FAM120B: variants seen among roughly 807,000 people sequenced by gnomAD.
FAM120B encodes constitutive coactivator of peroxisome proliferator-activated receptor gamma.
FAM120B carries 83 observed loss-of-function variants against 96.3 expected under a neutral mutation model. The ratio of observed to expected loss-of-function variants is 0.86; its 90% CI spans 0.72 to 1.03. The LOEUF (loss-of-function observed/expected upper bound fraction) is 1.03. FAM120B is among the 50% of genes least tolerant of loss of function. The pLI is 0.00. For synonymous variants in FAM120B, 407 were observed against 402.7 expected, an observed-to-expected ratio of 1.01 and a Z score of -0.13; for missense variants, 1,027 against 1,121.2, an observed-to-expected ratio of 0.92 and a Z score of 1.20.
At chr6:170,353,535 C>CA (rs1022195233) in intron 5 of FAM120B, among the ~76,000 whole-genome samples, 3 of 152,068 alleles carry the variant, frequency 2.0e-5, no homozygotes, top group African/African-American at 7.2e-5. Context: ...AGCAGCAGAT[C>CA]AAAAAGCTTA....
At chr6:170,354,460 A>C (rs966477612) in intron 5 of FAM120B, among the ~76,000 whole-genome samples, 1 of 152,210 alleles carries the variant, frequency 6.6e-6, no homozygotes, top group Non-Finnish European at 1.5e-5. Context: ...AAAATAAACT[A>C]TCATCAGAGT....
Position 170,363,050 on chromosome 6 carries a change from T to G in FAM120B, c.2283+4732T>G, listed in dbSNP as rs993738148. Among the ~76,000 whole-genome samples, 2 of 152,162 alleles carry G rather than the reference T, an allele frequency of 1.3e-5. No homozygotes were observed. The highest frequency in any genetic ancestry group is 2.4e-5 in the African/African-American group (1 of 41,432). On this transcript the variant is annotated intron_variant, in intron 6 of 10. Coordinates refer to ENST00000476287, the MANE Select transcript of FAM120B (RefSeq NM_032448.3). The surrounding 1 kb of genome is among the most constrained non-coding windows in gnomAD (Gnocchi z 4.5). Reference sequence around the variant, plus strand: ...AAAAGCCGAGAAATTCCTCTGCCTTTCTTTGCCCCATCAGTTTATCTTTGC... The same window carrying G: ...AAAAGCCGAGAAATTCCTCTGCCTTGCTTTGCCCCATCAGTTTATCTTTGC...
upstream of FAM120B, among the ~76,000 whole-genome samples, chr6:170,291,674 G>C (rs141482772): frequency 0.016 from 2,386 of 152,302 alleles, 64 homozygotes; most frequent in African/African-American, 0.054. Flanking sequence ...CGGCGACTGA[G>C]CCTCGGGGAG....
chr6:170,369,689 G>GTTT (rs556518944), intron 6 of FAM120B, among the ~76,000 whole-genome samples: 9 of 133,630 alleles, frequency 6.7e-5, no homozygotes, highest in Non-Finnish European at 9.7e-5. Context: ...ACTTAGGGTA[G>GTTT]TTTTTTTTTT....
intron 6 of FAM120B, among the ~76,000 whole-genome samples, chr6:170,362,386 C>T (rs1788513697): frequency 6.6e-6 from 1 of 152,218 alleles, no homozygotes; most frequent in Non-Finnish European, 1.5e-5. Context: ...CTTCTGTCTG[C>T]AGTCAGTGGG....
At chr6:170,359,949 G>A (rs545821042) in intron 6 of FAM120B, among the ~76,000 whole-genome samples, 4 of 152,132 alleles carry the variant, frequency 2.6e-5, no homozygotes, top group Non-Finnish European at 5.9e-5. Context: ...CACGCCGAGC[G>A]GCAGCCCTGG....
At chr6:170,349,065 A>G (rs1182197695) in intron 5 of FAM120B, among the ~76,000 whole-genome samples, 1 of 152,212 alleles carries the variant, frequency 6.6e-6, no homozygotes, top group Non-Finnish European at 1.5e-5. Context: ...TTCTACATGC[A>G]CAATAGTGCT....
At chr6:170,322,191 C>T (rs1785334760) in intron 2 of FAM120B, among the ~76,000 whole-genome samples, 1 of 152,226 alleles carries the variant, frequency 6.6e-6, no homozygotes, top group Admixed American at 6.5e-5. Context: ...AGGAGAAGCA[C>T]CTGTGCCTGG....
rs1414352095 is a variant in FAM120B, at chr6:170,322,828, A to T, written c.1735-251A>T. 5.3e-5 allele frequency among the ~76,000 whole-genome samples: 8 copies of T among 152,186 alleles called. No individual in the cohort carries two copies. The East Asian group carries it at 1.6e-3, about 30-fold the overall frequency. On this transcript the variant is annotated intron_variant, in intron 2 of 10. Transcript: ENST00000476287. Reference sequence around the variant, plus strand: ...TACTGGGAGGTTATCAAGGAGACAGAACAGTGAGATACTGCAGAAGATAAG... The same window carrying T: ...TACTGGGAGGTTATCAAGGAGACAGTACAGTGAGATACTGCAGAAGATAAG...
At chr6:170,366,405 G>T (rs3734767) in intron 6 of FAM120B, among the ~76,000 whole-genome samples, 2 of 152,150 alleles carry the variant, frequency 1.3e-5, no homozygotes, top group African/African-American at 2.4e-5. Flanking sequence ...GGGGGTGGCC[G>T]GGAAGGGGAA....
chr6:170,291,707 G>A (rs879442419), upstream of FAM120B, among the ~76,000 whole-genome samples: 20 of 152,170 alleles, frequency 1.3e-4, no homozygotes, highest in Non-Finnish European at 2.2e-4. Flanking sequence ...GCGCGGGCGG[G>A]GCCGGGACGC....
chr6:170,361,198 GTATATATATATATATATATATA>G (rs71010657), intron 6 of FAM120B, among the ~76,000 whole-genome samples: 11 of 66,038 alleles, frequency 1.7e-4, no homozygotes, highest in South Asian at 1.0e-3. Context: ...ATATATACGT[GTATATATATATATATATATATA>G]TATATATATA....
At chr6:170,323,377 T>C in intron 3 of FAM120B, 118 bp downstream of exon 3, 1 of 814,144 alleles carries the variant, frequency 1.2e-6, no homozygotes, top group South Asian at 1.9e-5. Context: ...ATGGGTTTTA[T>C]ATCCCTGTCA....
intron 1 of FAM120B, among the ~76,000 whole-genome samples, chr6:170,298,588 T>C (rs957811140): frequency 6.6e-6 from 1 of 152,046 alleles, no homozygotes; most frequent in Admixed American, 6.6e-5. Context: ...TCATCATCAC[T>C]AATAACTCAT....
At chr6:170,400,841 G>C (rs1039224734) in intron 9 of FAM120B, among the ~76,000 whole-genome samples, 1 of 152,168 alleles carries the variant, frequency 6.6e-6, no homozygotes, top group African/African-American at 2.4e-5. Flanking sequence ...GTGGCCTGGC[G>C]GGAGCAGAGC....
In FAM120B at chr6:170,388,204, G is replaced by A. The variant is rs116171698; in HGVS notation, c.2284-83G>A. On this transcript the variant is annotated intron_variant, in intron 6 of 10. Transcript: ENST00000476287. ...ACTGAGTGAGCATCCGTTCTGAGCAGAGTAACTTTGCAGAGCTGAGATCTG... is the reference window on the plus strand; with the variant it reads ...ACTGAGTGAGCATCCGTTCTGAGCAAAGTAACTTTGCAGAGCTGAGATCTG... 751 of 1,178,698 alleles carry A rather than the reference G, an allele frequency of 6.4e-4. 3 individuals are homozygous for A. The African/African-American group carries it at 6.9e-3, about 11-fold the overall frequency. The allele number at this position is 1,178,698 out of a possible 1,614,324, so 73.0% of individuals were successfully genotyped here.
intron 4 of FAM120B, among the ~76,000 whole-genome samples, chr6:170,345,616 C>T (rs1260049872): frequency 6.6e-6 from 1 of 152,254 alleles, no homozygotes. Flanking sequence ...CTTCAGTTCT[C>T]AGCCTTCATA....
At chr6:170,355,582 G>A (rs73036642) in intron 5 of FAM120B, among the ~76,000 whole-genome samples, 12 of 152,078 alleles carry the variant, frequency 7.9e-5, no homozygotes, top group South Asian at 4.1e-4. Context: ...CGGGGAGGGG[G>A]AAGGAGAGCA....
chr6:170,314,182 C>T (rs111583506), intron 1 of FAM120B, among the ~76,000 whole-genome samples: 8 of 152,354 alleles, frequency 5.3e-5, no homozygotes, highest in African/African-American at 1.9e-4. Flanking sequence ...TCCAGCTGTA[C>T]CTTATGCCTG....
Sources: gnomAD v4.1 joint callset for allele counts (sites outside exome capture counted in the v4.1 genomes callset) on GRCh38, gnomAD v4.1.1 for gene constraint, Gnocchi (gnomAD v3.1) non-coding constraint, MANE v1.5 for transcripts, NCBI Gene and HGNC (gene_info 2026-07-23, HGNC 2026-07-21) for gene names.